Variants in SP140 observed in about 807,000 individuals in gnomAD.
The protein encoded by SP140 is SP140 nuclear body protein.
A neutral mutation model predicts 125.0 loss-of-function variants in SP140; 81 were observed. The observed-to-expected ratio is 0.65, with a 90% CI of 0.54 to 0.78. The LOEUF (loss-of-function observed/expected upper bound fraction) is 0.78. Ranked by LOEUF, SP140 falls within the 30% of genes least tolerant of loss-of-function variation. SP140 has a pLI of 0.00. For synonymous variants in SP140, 312 were observed against 354.0 expected, an observed-to-expected ratio of 0.88 and a Z score of 1.33; for missense variants, 858 against 1,037.0, an observed-to-expected ratio of 0.83 and a Z score of 2.37.
At chr2:230,200,937 AT>A, upstream of SP140, 1 of 1,613,840 alleles carries the variant, frequency 6.2e-7, no homozygotes, top group South Asian at 1.1e-5. Flanking sequence ...TCTTTCCTTC[AT>A]TCATTTCTGA....
chr2:230,202,853 T>C (rs1293692993), upstream of SP140: 1 of 884,066 alleles, frequency 1.1e-6, no homozygotes, highest in East Asian at 2.4e-5. Context: ...TGTACCCCTG[T>C]ACCTCACTTT....
intron 3 of SP140, chr2:230,216,732 G>T (rs200249548): frequency 1.9e-4 from 311 of 1,605,818 alleles, no homozygotes; most frequent in Non-Finnish European, 2.2e-4. Flanking sequence ...TAATAATCAG[G>T]CATATTGGTG....
chr2:230,231,955 C>T (rs899218034), intron 1 of SP140, among the ~76,000 whole-genome samples: 10 of 151,502 alleles, frequency 6.6e-5, no homozygotes, highest in African/African-American at 2.2e-4. Context: ...GTGATCCACC[C>T]GTCTCAGTCT....
At chr2:230,297,083 C>A (rs1575294594) in intron 21 of SP140, among the ~76,000 whole-genome samples, 1 of 152,232 alleles carries the variant, frequency 6.6e-6, no homozygotes, top group Admixed American at 6.5e-5. Context: ...TCAGAGAACT[C>A]TGCTGTAGCA....
intron 12 of SP140, 87 bp downstream of exon 12, chr2:230,255,619 C>A (rs763055987): frequency 7.8e-6 from 9 of 1,157,692 alleles, no homozygotes; most frequent in Non-Finnish European, 1.2e-5. Context: ...ATTGACTTTC[C>A]TCTGCATATA....
intron 21 of SP140, among the ~76,000 whole-genome samples, chr2:230,294,922 C>T (rs1274946211): frequency 6.6e-6 from 1 of 152,176 alleles, no homozygotes; most frequent in African/African-American, 2.4e-5. Flanking sequence ...TTTCCTGTTA[C>T]CACAATGGTG....
intron 3 of SP140, chr2:230,215,269 C>T (rs2044984359): frequency 7.5e-6 from 5 of 670,150 alleles, no homozygotes; most frequent in South Asian, 3.8e-5. Context: ...TAAGGTAGAG[C>T]GGTCACAGTT....
intron 1 of SP140, among the ~76,000 whole-genome samples, chr2:230,234,163 G>T (rs1025619989): frequency 2.6e-5 from 4 of 152,214 alleles, no homozygotes; most frequent in African/African-American, 9.7e-5. Flanking sequence ...GGAGTAGGGT[G>T]ATCTATAGGA....
intron 4 of SP140, 105 bp downstream of exon 4, chr2:230,241,592 C>A: frequency 1.4e-6 from 1 of 695,564 alleles, no homozygotes; most frequent in Non-Finnish European, 2.6e-6. Flanking sequence ...TCTGTTATCT[C>A]CCAGTCCTCC....
intron 3 of SP140, chr2:230,238,929 A>G: frequency 6.5e-7 from 1 of 1,546,666 alleles, no homozygotes. Flanking sequence ...CATGTGGTTG[A>G]ATTGCAGACT....
chr2:230,244,931 T>C (rs150638716), intron 5 of SP140, 57 bp from the exon 6 acceptor site: 1 of 1,266,082 alleles, frequency 7.9e-7, no homozygotes, highest in Non-Finnish European at 1.1e-6. Flanking sequence ...AACACCAGGA[T>C]TCAGCAGGAG....
chr2:230,245,124 G>C (rs779774625), intron 6 of SP140, 44 bp downstream of exon 6: 1 of 1,347,950 alleles, frequency 7.4e-7, no homozygotes, highest in African/African-American at 1.4e-5. Flanking sequence ...AAATTAGTTG[G>C]CCTATCTCTA....
At chr2:230,276,380 A>G (rs2054714844) in intron 15 of SP140, among the ~76,000 whole-genome samples, 1 of 152,160 alleles carries the variant, frequency 6.6e-6, no homozygotes, top group African/African-American at 2.4e-5. Flanking sequence ...CCTATGCTGT[A>G]TAAGTAAAAT....
intron 15 of SP140, among the ~76,000 whole-genome samples, chr2:230,274,679 C>T (rs1400107957): frequency 6.8e-6 from 1 of 147,374 alleles, no homozygotes; most frequent in African/African-American, 2.5e-5. Flanking sequence ...TTTTGTAAGA[C>T]AAAAAAAAAA....
At chr2:230,204,812 C>A (rs539400902) in intron 1 of SP140, among the ~76,000 whole-genome samples, 1 of 151,968 alleles carries the variant, frequency 6.6e-6, no homozygotes, top group Non-Finnish European at 1.5e-5. Context: ...TAAGTCAACA[C>A]GACTGATGAA....
intron 1 of SP140, among the ~76,000 whole-genome samples, chr2:230,229,456 CTTTTTTTTTTT>C (rs1163771237): frequency 1.7e-5 from 1 of 57,610 alleles, no homozygotes; most frequent in Admixed American, 2.0e-4. Flanking sequence ...TGAAGAAATT[CTTTTTTTTTTT>C]TTTTTTTTTT....
intron 22 of SP140, 73 bp downstream of exon 22, chr2:230,297,535 A>T (rs1385722898): frequency 3.2e-6 from 5 of 1,544,668 alleles, no homozygotes; most frequent in Non-Finnish European, 3.6e-6. Context: ...CTGTGTCATG[A>T]CTGCTGTTGC....
chr2:230,310,538 C>A, intron 23 of SP140: 1 of 1,219,622 alleles, frequency 8.2e-7, no homozygotes, highest in African/African-American at 1.5e-5. Context: ...CTTCCTCAGA[C>A]TTCCTGCCTG....
At chr2:230,231,604 G>A (rs552101808) in intron 1 of SP140, among the ~76,000 whole-genome samples, 14 of 150,182 alleles carry the variant, frequency 9.3e-5, no homozygotes, top group Middle Eastern at 6.9e-3. Context: ...GAATGGTAAC[G>A]TGTCAGAGGG....
Sources: gnomAD v4.1 joint callset for allele counts (sites outside exome capture counted in the v4.1 genomes callset) on GRCh38, gnomAD v4.1.1 for gene constraint, MANE v1.5 for transcripts, NCBI Gene and HGNC (gene_info 2026-07-23, HGNC 2026-07-21) for gene names.